PIK3C2B: variants seen among roughly 807,000 people sequenced by gnomAD.
PIK3C2B encodes phosphatidylinositol 4-phosphate 3-kinase C2 domain-containing subunit beta.
In PIK3C2B, 83 loss-of-function variants were observed where a neutral mutation model predicts 184.3. That is an observed-to-expected ratio of 0.45 (90% confidence interval 0.38 to 0.54). PIK3C2B has a LOEUF of 0.54. Among genes scored for constraint, PIK3C2B ranks in the 20% least tolerant of loss-of-function variants. PIK3C2B has a pLI of 0.00. For synonymous variants in PIK3C2B, 779 were observed against 837.6 expected (o/e 0.93, Z 1.21); for missense variants, 1,736 against 2,113.5 (o/e 0.82, Z 3.50).
chr1:204,470,170 T>TA (rs1424183251), intron 1 of PIK3C2B, among the ~76,000 whole-genome samples: 2 of 137,138 alleles, frequency 1.5e-5, no homozygotes, highest in African/African-American at 5.9e-5. Context: ...AGAGGCACCT[T>TA]TTTTTTTTTT....
At chr1:204,472,021 C>G (rs931139976) in intron 1 of PIK3C2B, among the ~76,000 whole-genome samples, 2 of 152,172 alleles carry the variant, frequency 1.3e-5, no homozygotes, top group Non-Finnish European at 2.9e-5. Context: ...CCAGTGCTTC[C>G]ACTTACTTCA....
chr1:204,464,342 A>G, intron 4 of PIK3C2B, 108 bp downstream of exon 4: 1 of 1,224,812 alleles, frequency 8.2e-7, no homozygotes, highest in East Asian at 2.4e-5. Context: ...GAGCATCCTC[A>G]CTGCCCTTCA....
At chr1:204,492,967 C>T (rs1295793561) in intron 1 of PIK3C2B, among the ~76,000 whole-genome samples, 1 of 152,158 alleles carries the variant, frequency 6.6e-6, no homozygotes, top group Non-Finnish European at 1.5e-5. Context: ...AAATGTGCCT[C>T]GACTTAATTT....
chr1:204,489,926 C>T (rs1288862305), intron 1 of PIK3C2B: 14 of 395,520 alleles, frequency 3.5e-5, no homozygotes, highest in Admixed American at 1.8e-4. Context: ...CTGCAAAGGA[C>T]GCCATCTAGT....
At chr1:204,438,131 T>C (rs778771198) in intron 23 of PIK3C2B, among the ~76,000 whole-genome samples, 2 of 152,258 alleles carry the variant, frequency 1.3e-5, no homozygotes, top group African/African-American at 4.8e-5. Context: ...CCCTCCAGGA[T>C]AAAGTACATT....
At chr1:204,481,268 CTTT>C (rs59090154) in intron 1 of PIK3C2B, among the ~76,000 whole-genome samples, 7 of 118,740 alleles carry the variant, frequency 5.9e-5, no homozygotes, top group Admixed American at 9.3e-5. Flanking sequence ...AGGTCACATT[CTTT>C]TTTTTTTTTT....
Position 204,446,112 on chromosome 1 carries a change from T to C in PIK3C2B, c.2522A>G (p.Glu841Gly), listed in dbSNP as rs1335125748. Reference sequence around the variant, plus strand: ...CTCCGAGTGGCAGTAATATCGCTTCTCCCACAGGCGCTTCTTGTCAGCATC... The same window carrying C: ...CTCCGAGTGGCAGTAATATCGCTTCCCCCACAGGCGCTTCTTGTCAGCATC... ...LTDADKKRLW[E>G]KRYYCHSEVS... Residue 841 changes from glutamate (E) to glycine (G), a missense_variant, in exon 16 of 33, where the codon GAG (glutamate) becomes GGG (glycine). Glu to Gly is a moderately conservative substitution (Grantham distance 98, BLOSUM62 -2). Coordinates refer to ENST00000684373, the MANE Select transcript of PIK3C2B (RefSeq NM_001377334.1). 2 of 1,581,034 alleles carry C rather than the reference T, an allele frequency of 1.3e-6. No individual in the cohort carries two copies. Among genetic ancestry groups the C allele is most frequent in the Middle Eastern group, 1.7e-4 (1 of 5,762 alleles).
Position 204,431,544 on chromosome 1 carries a change from G to C in PIK3C2B, c.4280+125C>G, listed in dbSNP as rs909011336. On this transcript the variant is annotated intron_variant, in intron 28 of 32. Transcript: ENST00000684373. ...GTCATCAAACTCCATACCAGGCCAAGCAAAGCAGGCAGATGTTTAGTCCAA... is the reference window on the plus strand; with the variant it reads ...GTCATCAAACTCCATACCAGGCCAACCAAAGCAGGCAGATGTTTAGTCCAA... 557 of 1,221,176 alleles carry C rather than the reference G, an allele frequency of 4.6e-4. 1 individual carries two copies. Among genetic ancestry groups the C allele is most frequent in the Admixed American group, 4.3e-4 (24 of 56,218 alleles). The allele number at this position is 1,221,176 out of a possible 1,614,324, so 75.6% of individuals were successfully genotyped here. A position where few individuals can be genotyped will look rare whatever the true frequency, so the allele number is the denominator to read the frequency against.
intron 13 of PIK3C2B, 132 bp from the exon 14 acceptor site, chr1:204,449,428 G>A (rs564017448): frequency 1.5e-6 from 1 of 687,762 alleles, no homozygotes; most frequent in South Asian, 1.8e-5. Context: ...TCTCACCGTG[G>A]ACCATAGCCT....
At chr1:204,476,069 C>T (rs926046011) in intron 1 of PIK3C2B, among the ~76,000 whole-genome samples, 3 of 152,156 alleles carry the variant, frequency 2.0e-5, no homozygotes, top group Non-Finnish European at 4.4e-5. Flanking sequence ...CAGCCAGACA[C>T]GAGGGAACTC....
intron 9 of PIK3C2B, 37 bp from the exon 10 acceptor site, chr1:204,457,107 C>CTTTTT: frequency 6.5e-7 from 1 of 1,545,746 alleles, no homozygotes; most frequent in South Asian, 1.2e-5. Context: ...AGCTTCAGGG[C>CTTTTT]CATAGCCTTT....
At chr1:204,481,691 G>C (rs1279882007) in intron 1 of PIK3C2B, among the ~76,000 whole-genome samples, 1 of 152,206 alleles carries the variant, frequency 6.6e-6, no homozygotes, top group Non-Finnish European at 1.5e-5. Context: ...CGTTCCAGCA[G>C]GCTGAGGGCA....
At chr1:204,445,838 G>C in intron 16 of PIK3C2B, 118 bp downstream of exon 16, 1 of 582,778 alleles carries the variant, frequency 1.7e-6, no homozygotes, top group Non-Finnish European at 2.8e-6. Flanking sequence ...GAAAATCCCT[G>C]AATATCCACA....
intron 1 of PIK3C2B, among the ~76,000 whole-genome samples, chr1:204,486,748 AT>A (rs1657629620): frequency 1.3e-5 from 2 of 152,168 alleles, no homozygotes; most frequent in South Asian, 4.1e-4. Context: ...ATTACCTCTT[AT>A]TTATTTATTA....
chr1:204,457,962 G>C (rs1184280316), intron 8 of PIK3C2B, 88 bp from the exon 9 acceptor site: 1 of 1,206,018 alleles, frequency 8.3e-7, no homozygotes, highest in Non-Finnish European at 1.2e-6. Context: ...TTAAAGGAAA[G>C]GGTTGGGAAG....
chr1:204,434,860 C>A (rs1488839608), intron 23 of PIK3C2B, among the ~76,000 whole-genome samples: 1 of 152,186 alleles, frequency 6.6e-6, no homozygotes, highest in Non-Finnish European at 1.5e-5. Context: ...ATCTGAATAC[C>A]ATCTTCTCCT....
intron 1 of PIK3C2B, among the ~76,000 whole-genome samples, chr1:204,481,397 A>G (rs1440250171): frequency 6.6e-6 from 1 of 150,614 alleles, no homozygotes; most frequent in Non-Finnish European, 1.5e-5. Context: ...TTCCTGAACC[A>G]CAGGCACCCG....
intron 23 of PIK3C2B, among the ~76,000 whole-genome samples, chr1:204,437,368 G>A (rs183393850): frequency 1.3e-5 from 2 of 152,128 alleles, no homozygotes; most frequent in Admixed American, 6.5e-5. Context: ...GGTGGTGCAC[G>A]CCTATAATCC....
At chr1:204,453,450 T>C (rs1444730408) in intron 12 of PIK3C2B, among the ~76,000 whole-genome samples, 1 of 152,224 alleles carries the variant, frequency 6.6e-6, no homozygotes, top group African/African-American at 2.4e-5. Flanking sequence ...CCCACCTATC[T>C]CATCTCGACG....
Sources: gnomAD v4.1 joint callset for allele counts (sites outside exome capture counted in the v4.1 genomes callset) on GRCh38, gnomAD v4.1.1 for gene constraint, MANE v1.5 for transcripts, NCBI Gene and HGNC (gene_info 2026-07-23, HGNC 2026-07-21) for gene names.